Variants in KDSR observed in about 807,000 individuals in gnomAD.
KDSR encodes the protein 3-dehydrosphinganine reductase.
A neutral mutation model predicts 41.3 loss-of-function variants in KDSR; 23 were observed. The ratio of observed to expected loss-of-function variants is 0.56; its 90% CI spans 0.40 to 0.79. The LOEUF is 0.79. Among genes scored for constraint, KDSR ranks in the 30% least tolerant of loss-of-function variants. KDSR has a pLI of 0.00. For synonymous variants in KDSR, 138 were observed against 151.7 expected (o/e 0.91, Z 0.66); for missense variants, 351 against 416.8 (o/e 0.84, Z 1.37).
Position 63,338,957 on chromosome 18 carries a change from C to T in KDSR, c.694-74G>A, listed in dbSNP as rs902506772. ...ATTAAAAATAAATTATTCTTACAGC[C>T]TCCTGATTTACAAATAATTCCAATT... On this transcript the variant is annotated intron_variant, in intron 7 of 9. Transcript: ENST00000645214. 1.1e-5 allele frequency: 9 copies of T among 842,896 alleles called. No individual in the cohort carries two copies. The African/African-American group carries it at 1.6e-4, about 15-fold the overall frequency. The allele number at this position is 842,896 out of a possible 1,614,324, so 52.2% of individuals were successfully genotyped here. A position where few individuals can be genotyped will look rare whatever the true frequency, so the allele number is the denominator to read the frequency against.
chr18:63,335,920 T>C (rs1161915098), intron 8 of KDSR: 2 of 152,400 alleles, frequency 1.3e-5, no homozygotes, highest in African/African-American at 4.8e-5. Context: ...CCCAACGCGC[T>C]TCCGCAGCAC....
At chr18:63,336,856 C>T (rs777665853) in intron 8 of KDSR, among the ~76,000 whole-genome samples, 5 of 152,004 alleles carry the variant, frequency 3.3e-5, no homozygotes, top group Non-Finnish European at 5.9e-5. Flanking sequence ...TTCCCAACTC[C>T]GTATCTGTCT....
intron 3 of KDSR, among the ~76,000 whole-genome samples, chr18:63,355,827 G>C (rs1223533957): frequency 6.6e-6 from 1 of 152,178 alleles, no homozygotes; most frequent in East Asian, 1.9e-4. Flanking sequence ...GGCAGATCAG[G>C]GGTTGCCCAC....
At chr18:63,344,389 T>C (rs779012174) in intron 7 of KDSR, 21 bp downstream of exon 7, 43 of 1,553,858 alleles carry the variant, frequency 2.8e-5, no homozygotes, top group Admixed American at 1.7e-4. Context: ...AGGTTCAAAT[T>C]GGGACATGTA....
At chr18:63,362,963 T>C (rs1915033107) in intron 1 of KDSR, 95 bp from the exon 2 acceptor site, 7 of 773,426 alleles carry the variant, frequency 9.1e-6, no homozygotes, top group Non-Finnish European at 1.5e-5. Flanking sequence ...TTAAAATGAA[T>C]CTACAAGAAC....
chr18:63,367,147 G>C lies in KDSR; in HGVS notation c.-29C>G. On this transcript the variant is annotated 5_prime_UTR_variant, in exon 1 of 10. Transcript: ENST00000645214. ...TCCGCGGGGCCAGGGGCCCGGAGCG[G>C]CCGGGCGGGGGCCGCCGGGCAAGGC... 4 of 1,217,764 alleles carry C rather than the reference G, an allele frequency of 3.3e-6. No homozygotes were observed. In the African/African-American group the frequency reaches 4.7e-5, roughly 14 times the overall value. The allele number at this position is 1,217,764 out of a possible 1,614,324, so 75.4% of individuals were successfully genotyped here. A position where few individuals can be genotyped will look rare whatever the true frequency, so the allele number is the denominator to read the frequency against.
intron 7 of KDSR, among the ~76,000 whole-genome samples, chr18:63,343,840 G>C (rs1914421572): frequency 6.6e-6 from 1 of 152,020 alleles, no homozygotes; most frequent in Non-Finnish European, 1.5e-5. Flanking sequence ...GCAAAGGATT[G>C]ATATTGGACT....
At chr18:63,366,845 G>A (rs62098681) in intron 1 of KDSR, among the ~76,000 whole-genome samples, 166 bp downstream of exon 1, 2,413 of 152,294 alleles carry the variant, frequency 0.016, 34 homozygotes, top group Admixed American at 0.024. Flanking sequence ...GGGTGCCGGG[G>A]CCGGGGGAAA....
rs1221423057 is a variant in KDSR at position 63,361,003 on chromosome 18, T to A, written c.199-1211A>T. ...AACCCTGTCTCTACTAAAAAAAAAA[T>A]ATATATATATATAAAATATATAATA... On this transcript the variant is annotated intron_variant, in intron 2 of 9. Coordinates refer to ENST00000645214, the MANE Select transcript of KDSR (RefSeq NM_002035.4). Among the ~76,000 whole-genome samples, 34 of 20,868 alleles carry A rather than the reference T, an allele frequency of 1.6e-3. 1 individual carries two copies. In the East Asian group the frequency reaches 0.033, roughly 20 times the overall value. 13.7% of individuals were successfully genotyped at this position (20,868 alleles called of 152,430 possible).
chr18:63,361,036 TA>T lies in KDSR; in HGVS notation c.199-1245del, dbSNP rs1244815015. Among the ~76,000 whole-genome samples the T allele has an allele frequency of 2.8e-4, 13 of 45,774 alleles. 1 individual carries two copies. In the East Asian group the frequency reaches 3.5e-3, roughly 12 times the overall value. The allele number at this position is 45,774 out of a possible 152,430, so 30.0% of individuals were successfully genotyped here. A position where few individuals can be genotyped will look rare whatever the true frequency, so the allele number is the denominator to read the frequency against. On this transcript the variant is annotated intron_variant, in intron 2 of 9. Transcript: ENST00000645214. ...TATATAAAATATATAATATATATAA[TA>T]AAAATATATATTTTATATATATGTA... is the stretch of plus-strand genomic sequence containing the variant.
Position 63,332,619 on chromosome 18 carries a change from C to T in KDSR, c.880-718G>A, listed in dbSNP as rs564075714. ...GGCCGAGGCGGGTGGATCACGAGGT[C>T]AGGAGATTGAGACCATCCTGGCTAA... On this transcript the variant is annotated intron_variant, in intron 9 of 9. Coordinates refer to ENST00000645214, the MANE Select transcript of KDSR (RefSeq NM_002035.4). 2.0e-3 allele frequency among the ~76,000 whole-genome samples: 305 copies of T among 152,274 alleles called. 1 individual carries two copies. The highest frequency in any genetic ancestry group is 7.1e-3 in the African/African-American group (293 of 41,546).
At chr18:63,350,061 C>T (rs1914618913) in intron 6 of KDSR, among the ~76,000 whole-genome samples, 1 of 152,196 alleles carries the variant, frequency 6.6e-6, no homozygotes. Context: ...TTTAGGCATC[C>T]ACTGGGGGTC....
chr18:63,336,541 C>A (rs979020610), intron 8 of KDSR, among the ~76,000 whole-genome samples: 1 of 152,134 alleles, frequency 6.6e-6, no homozygotes, highest in Admixed American at 6.5e-5. Context: ...CTGTCAGCTG[C>A]ATACTTTTAT....
intron 4 of KDSR, 97 bp downstream of exon 4, chr18:63,355,401 T>A: frequency 6.2e-7 from 1 of 1,605,624 alleles, no homozygotes; most frequent in Non-Finnish European, 8.5e-7. Flanking sequence ...ATTAAACCTA[T>A]AGAGAAGTTG....
chr18:63,342,757 C>T (rs117005918), intron 7 of KDSR, among the ~76,000 whole-genome samples: 1,631 of 152,148 alleles, frequency 0.011, 14 homozygotes, highest in Non-Finnish European at 0.016. Flanking sequence ...AGTGCAGTGG[C>T]GCAATCTTGG....
chr18:63,361,399 T>G (rs1285820075), intron 2 of KDSR, among the ~76,000 whole-genome samples: 1 of 151,910 alleles, frequency 6.6e-6, no homozygotes, highest in Non-Finnish European at 1.5e-5. Flanking sequence ...AAAATGCCAT[T>G]TCATCAAATT....
chr18:63,347,800 G>C (rs953138585), intron 6 of KDSR, among the ~76,000 whole-genome samples: 1 of 151,746 alleles, frequency 6.6e-6, no homozygotes, highest in Admixed American at 6.6e-5. Flanking sequence ...CTTTCCAAAA[G>C]AGTAACTTTT....
Position 63,328,571 on chromosome 18 carries a change from A to T in KDSR, c.*3211T>A, listed in dbSNP as rs928564664. 6.4e-6 allele frequency: 1 copy of T among 157,188 alleles called. No homozygotes were observed. Among genetic ancestry groups the T allele is most frequent in the African/African-American group, 2.4e-5 (1 of 41,622 alleles). 9.7% of individuals were successfully genotyped at this position (157,188 alleles called of 1,614,324 possible). On this transcript the variant is annotated 3_prime_UTR_variant, in exon 10 of 10. Transcript: ENST00000645214. ...GAGACGGGGTTTCACCATGTTGGCCAGGCTGGTCTCGAACTCCTGACCTCG... is the reference window on the plus strand; with the variant it reads ...GAGACGGGGTTTCACCATGTTGGCCTGGCTGGTCTCGAACTCCTGACCTCG...
rs902105009 is a variant in KDSR, at chr18:63,362,869, C to T, written c.109-1G>A. The T allele has an allele frequency of 2.5e-6, 4 of 1,606,184 alleles. No homozygotes were observed. In the African/African-American group the frequency reaches 5.4e-5, roughly 21 times the overall value. ...CGATGCCACTGGAACCTCCTGTAAC[C>T]TAAAACAAAATCATAAAATATTCTT... On this transcript the variant is annotated splice_acceptor_variant, in intron 1 of 9. Coordinates refer to ENST00000645214, the MANE Select transcript of KDSR (RefSeq NM_002035.4). LOFTEE classifies it high-confidence loss of function.
Sources: gnomAD v4.1 joint callset for allele counts (sites outside exome capture counted in the v4.1 genomes callset) on GRCh38, gnomAD v4.1.1 for gene constraint, MANE v1.5 for transcripts, NCBI Gene and HGNC (gene_info 2026-07-23, HGNC 2026-07-21) for gene names.